Variants in CACNA2D1 observed in about 807,000 individuals in gnomAD.
CACNA2D1 encodes the protein voltage-dependent calcium channel subunit alpha-2/delta-1.
Under a neutral mutation model 171.5 loss-of-function variants are expected in CACNA2D1, and 53 were observed. That is an observed-to-expected ratio of 0.31 (90% CI 0.25 to 0.39). The LOEUF (loss-of-function observed/expected upper bound fraction) is 0.39. CACNA2D1 is among the 10% of genes least tolerant of loss of function. The pLI is 1.00. For synonymous variants in CACNA2D1, 442 were observed against 443.1 expected (o/e 1.00, Z 0.03); for missense variants, 903 against 1,299.8 (o/e 0.69, Z 4.69).
intron 3 of CACNA2D1, 100 bp from the exon 4 acceptor site, chr7:82,170,709 A>G: frequency 9.8e-7 from 1 of 1,017,998 alleles, no homozygotes; most frequent in Non-Finnish European, 1.6e-6. Context: ...AGGACATAAA[A>G]AGCAGAAGAT....
intron 6 of CACNA2D1, among the ~76,000 whole-genome samples, chr7:82,092,498 G>C (rs535195825): frequency 6.7e-6 from 1 of 148,376 alleles, no homozygotes; most frequent in Non-Finnish European, 1.5e-5. Context: ...TCAGCCTCCC[G>C]AGTAATTGGG....
intron 1 of CACNA2D1, among the ~76,000 whole-genome samples, chr7:82,414,286 CACA>C (rs1827956816): frequency 6.6e-6 from 1 of 152,082 alleles, no homozygotes; most frequent in South Asian, 2.1e-4. Flanking sequence ...ATTTGAAAGT[CACA>C]ACAACACATG....
intron 3 of CACNA2D1, among the ~76,000 whole-genome samples, chr7:82,194,356 G>A (rs958554232): frequency 6.6e-6 from 1 of 151,916 alleles, no homozygotes. Flanking sequence ...TTCATGCAGG[G>A]ATAGCAAAAT....
At chr7:82,196,487 T>C (rs950809782) in intron 3 of CACNA2D1, among the ~76,000 whole-genome samples, 1 of 152,014 alleles carries the variant, frequency 6.6e-6, no homozygotes. Context: ...ATCTAACTAG[T>C]GCCATTAGGA....
intron 11 of CACNA2D1, among the ~76,000 whole-genome samples, chr7:82,034,831 C>A (rs75830269): frequency 6.6e-5 from 10 of 151,856 alleles, no homozygotes; most frequent in Admixed American, 6.6e-4. Context: ...TGTATACTTA[C>A]GTAAATAAAA....
At chr7:82,185,832 G>C (rs1189861380) in intron 3 of CACNA2D1, among the ~76,000 whole-genome samples, 1 of 151,884 alleles carries the variant, frequency 6.6e-6, no homozygotes, top group Non-Finnish European at 1.5e-5. Context: ...ACTAAAGAAA[G>C]GGAAAATACA....
chr7:82,307,241 C>A (rs1357959972), intron 3 of CACNA2D1, among the ~76,000 whole-genome samples: 2 of 152,158 alleles, frequency 1.3e-5, no homozygotes. Flanking sequence ...ACTACAACCA[C>A]TGCCTCCTGA....
intron 38 of CACNA2D1, among the ~76,000 whole-genome samples, chr7:81,955,113 T>G (rs1317242203): frequency 1.3e-5 from 2 of 152,134 alleles, no homozygotes; most frequent in Non-Finnish European, 2.9e-5. Flanking sequence ...CTTCATAAAC[T>G]TGTTATCAAA....
intron 5 of CACNA2D1, among the ~76,000 whole-genome samples, chr7:82,134,586 T>G (rs554714657): frequency 6.6e-6 from 1 of 152,304 alleles, no homozygotes; most frequent in South Asian, 2.1e-4. Context: ...ATTTTACTAT[T>G]TATAAGGCTT....
At chr7:82,349,748 G>T in intron 1 of CACNA2D1, 99 bp from the exon 2 acceptor site, 1 of 975,244 alleles carries the variant, frequency 1.0e-6, no homozygotes, top group Non-Finnish European at 1.6e-6. Context: ...TCATTAAAAT[G>T]CCCTTAAATT....
intron 4 of CACNA2D1, among the ~76,000 whole-genome samples, chr7:82,149,403 ACACCAAGG>A (rs1268406845): frequency 6.6e-6 from 1 of 152,096 alleles, no homozygotes; most frequent in Non-Finnish European, 1.5e-5. Context: ...GAGAAGTGAG[ACACCAAGG>A]CACACAAGCT....
intron 1 of CACNA2D1, among the ~76,000 whole-genome samples, chr7:82,367,203 C>A (rs907217140): frequency 2.0e-5 from 3 of 152,048 alleles, no homozygotes; most frequent in Admixed American, 1.3e-4. Context: ...GCCACCATGC[C>A]TGGCTGATTT....
At chr7:81,967,564 C>A in intron 30 of CACNA2D1, 32 bp downstream of exon 30, 1 of 1,156,412 alleles carries the variant, frequency 8.6e-7, no homozygotes, top group Non-Finnish European at 1.3e-6. Context: ...AAACATTAAA[C>A]ATAGCATAAG....
intron 18 of CACNA2D1, among the ~76,000 whole-genome samples, chr7:81,999,739 A>T (rs1056830232): frequency 2.0e-5 from 3 of 152,238 alleles, no homozygotes; most frequent in African/African-American, 7.2e-5. Context: ...CAAAAGTATA[A>T]GATAATACAT....
Position 82,038,067 on chromosome 7 carries a change from T to C in CACNA2D1, c.1038+10A>G. The C allele has an allele frequency of 1.2e-6, 2 of 1,612,334 alleles. No individual in the cohort carries two copies. Among genetic ancestry groups the C allele is most frequent in the Non-Finnish European group, 1.7e-6 (2 of 1,179,002 alleles). On this transcript the variant is annotated intron_variant, in intron 11 of 38. Transcript: ENST00000356860. ...AACAACAACAACAAAAGACATAGCA[T>C]GATACTTACATTAAGCAGCTGTTCA... is the stretch of plus-strand genomic sequence containing the variant.
chr7:82,224,582 G>A (rs1282447925), intron 3 of CACNA2D1, among the ~76,000 whole-genome samples: 2 of 149,410 alleles, frequency 1.3e-5, no homozygotes, highest in Non-Finnish European at 3.0e-5. Flanking sequence ...ACTCCGACTC[G>A]AAAAAAAAAG....
intron 10 of CACNA2D1, among the ~76,000 whole-genome samples, chr7:82,058,085 C>T (rs1275881573): frequency 6.6e-6 from 1 of 152,140 alleles, no homozygotes; most frequent in Non-Finnish European, 1.5e-5. Context: ...AGGCTGCTAC[C>T]TAAAACCTCA....
intron 4 of CACNA2D1, among the ~76,000 whole-genome samples, chr7:82,138,632 C>G (rs932365631): frequency 6.6e-6 from 1 of 151,724 alleles, no homozygotes; most frequent in Non-Finnish European, 1.5e-5. Context: ...ATTTTTAGTA[C>G]AGATGGGGTT....
intron 7 of CACNA2D1, among the ~76,000 whole-genome samples, chr7:82,068,470 C>T (rs1052209320): frequency 5.3e-5 from 8 of 152,118 alleles, no homozygotes; most frequent in Non-Finnish European, 7.4e-5. Context: ...ACCCTAGAGG[C>T]AGTTGTTATT....
Sources: allele counts gnomAD v4.1 joint callset (sites outside exome capture counted in the v4.1 genomes callset), GRCh38; gene constraint gnomAD v4.1.1; transcripts MANE v1.5; gene names NCBI Gene and HGNC (gene_info 2026-07-23, HGNC 2026-07-21).